Variants in TCF12 observed in about 807,000 individuals in gnomAD.
TCF12 encodes transcription factor 12.
TCF12 carries 45 observed loss-of-function variants against 86.0 expected under a neutral mutation model. That is an observed-to-expected ratio of 0.52 (90% CI 0.41 to 0.67). TCF12 has a LOEUF of 0.67. TCF12 is among the 30% of genes least tolerant of loss of function. The pLI is 0.00. For synonymous variants in TCF12, 330 were observed against 299.6 expected (o/e 1.10, Z -1.05); for missense variants, 881 against 859.9 (o/e 1.02, Z -0.31).
intron 3 of TCF12, among the ~76,000 whole-genome samples, chr15:56,998,429 C>T (rs1424119109): frequency 1.4e-5 from 2 of 146,600 alleles, no homozygotes; most frequent in African/African-American, 2.5e-5. Flanking sequence ...TGCACTCCAG[C>T]CTTGGTGACA....
At chr15:57,179,484 C>G (rs368729354) in intron 6 of TCF12, among the ~76,000 whole-genome samples, 12 of 152,018 alleles carry the variant, frequency 7.9e-5, no homozygotes, top group African/African-American at 2.7e-4. Context: ...GAGCCAAGAT[C>G]GTGCCATTGC....
intron 12 of TCF12, among the ~76,000 whole-genome samples, chr15:57,234,919 A>C (rs1395245798): frequency 6.6e-6 from 1 of 152,164 alleles, no homozygotes; most frequent in Non-Finnish European, 1.5e-5. Flanking sequence ...ATTTTCTATG[A>C]AGTGCAATTA....
chr15:57,066,964 C>T (rs1172820446), intron 4 of TCF12, among the ~76,000 whole-genome samples: 1 of 152,170 alleles, frequency 6.6e-6, no homozygotes, highest in Non-Finnish European at 1.5e-5. Context: ...TACCATTCTA[C>T]TATAGTAGCC....
In TCF12 at chr15:57,208,851, G is replaced by C. The variant is rs539700689; in HGVS notation, c.579+11026G>C. Among the ~76,000 whole-genome samples the C allele has an allele frequency of 2.6e-5, 4 of 151,952 alleles. No homozygotes were observed. The South Asian group carries it at 6.2e-4, about 24-fold the overall frequency. Reference sequence around the variant, plus strand: ...CCACCTCAGCCTCCTGAGTAACTGGGACTACAGGCACATGCCACTACACCT... The same window carrying C: ...CCACCTCAGCCTCCTGAGTAACTGGCACTACAGGCACATGCCACTACACCT... On this transcript the variant is annotated intron_variant, in intron 8 of 20. Coordinates refer to ENST00000333725, the MANE Select transcript of TCF12 (RefSeq NM_207037.2).
At chr15:57,142,580 CTATGCTGATATATAAAT>C (rs2053057956) in intron 5 of TCF12, among the ~76,000 whole-genome samples, 1 of 145,510 alleles carries the variant, frequency 6.9e-6, no homozygotes, top group South Asian at 2.2e-4. Flanking sequence ...AACTATAAGT[CTATGCTGATATATAAAT>C]TATGCTGATA....
At chr15:57,108,493 A>G (rs1338892755) in intron 5 of TCF12, among the ~76,000 whole-genome samples, 4 of 152,134 alleles carry the variant, frequency 2.6e-5, no homozygotes, top group African/African-American at 9.7e-5. Context: ...TAAAATGATG[A>G]TTCTACTTAG....
intron 13 of TCF12, chr15:57,247,791 C>A (rs1187441059): frequency 2.7e-6 from 2 of 749,440 alleles, no homozygotes; most frequent in African/African-American, 3.4e-5. Context: ...TCCACCTCTT[C>A]AACACAAGAG....
chr15:56,925,240 G>GCCCCCCCCC (rs11465192), intron 3 of TCF12, among the ~76,000 whole-genome samples: 10 of 136,338 alleles, frequency 7.3e-5, no homozygotes, highest in South Asian at 5.0e-4. Flanking sequence ...GGTGTCCACC[G>GCCCCCCCCC]CCCCCCCACC....
intron 5 of TCF12, among the ~76,000 whole-genome samples, chr15:57,120,416 T>A (rs1333106291): frequency 1.3e-5 from 2 of 152,234 alleles, no homozygotes; most frequent in Admixed American, 1.3e-4. Context: ...ATATCTGATA[T>A]ATATCAAGTG....
intron 5 of TCF12, among the ~76,000 whole-genome samples, chr15:57,152,505 T>G (rs1272851380): frequency 6.7e-6 from 1 of 150,108 alleles, no homozygotes; most frequent in African/African-American, 2.5e-5. Flanking sequence ...ATTTAGCTGA[T>G]AGATGGAAAT....
Position 57,211,979 on chromosome 15 carries a change from C to CCACA in TCF12, c.579+14180_579+14183dup, listed in dbSNP as rs58113866. Among the ~76,000 whole-genome samples, 450 of 83,806 alleles carry CCACA rather than the reference C, an allele frequency of 5.4e-3. 4 individuals are homozygous for CCACA. Among genetic ancestry groups the CCACA allele is most frequent in the African/African-American group, 9.6e-3 (328 of 34,072 alleles). The allele number at this position is 83,806 out of a possible 152,430, so 55.0% of individuals were successfully genotyped here. A position where few individuals can be genotyped will look rare whatever the true frequency, so the allele number is the denominator to read the frequency against. ...ATACACACACACGCACACACACACA[C>CCACA]CACACACACACACACACACACACAC... On this transcript the variant is annotated intron_variant, in intron 8 of 20. Transcript: ENST00000333725.
At chr15:56,994,580 A>G (rs1490832251) in intron 3 of TCF12, among the ~76,000 whole-genome samples, 5 of 152,116 alleles carry the variant, frequency 3.3e-5, no homozygotes, top group African/African-American at 7.2e-5. Flanking sequence ...GCCAGAGGAA[A>G]ATGACATTGC....
At chr15:57,189,616 A>G (rs1221811133) in intron 6 of TCF12, among the ~76,000 whole-genome samples, 1 of 152,176 alleles carries the variant, frequency 6.6e-6, no homozygotes, top group East Asian at 1.9e-4. Flanking sequence ...AGAAATTGGA[A>G]CCCTTGCACA....
At chr15:57,181,864 T>C (rs1424008118) in intron 6 of TCF12, among the ~76,000 whole-genome samples, 1 of 152,192 alleles carries the variant, frequency 6.6e-6, no homozygotes, top group Admixed American at 6.5e-5. Context: ...TTTTGGGGGA[T>C]AACCCTTTAT....
intron 5 of TCF12, among the ~76,000 whole-genome samples, chr15:57,099,716 C>T (rs1316084802): frequency 6.6e-6 from 1 of 152,104 alleles, no homozygotes; most frequent in Non-Finnish European, 1.5e-5. Context: ...ACACCTTTTT[C>T]AGGACCTCAT....
At chr15:57,285,364 A>G (rs1469852559) in intron 20 of TCF12, among the ~76,000 whole-genome samples, 1 of 152,270 alleles carries the variant, frequency 6.6e-6, no homozygotes, top group African/African-American at 2.4e-5. Context: ...AATTTAAAGT[A>G]GAAAATTTCA....
chr15:57,252,776 T>G (rs1366162120), intron 15 of TCF12, among the ~76,000 whole-genome samples: 2 of 152,208 alleles, frequency 1.3e-5, no homozygotes, highest in Non-Finnish European at 1.5e-5. Flanking sequence ...ATTTATTTAG[T>G]TTTGTCAAAG....
At chr15:57,080,805 A>G (rs1423596045) in intron 4 of TCF12, among the ~76,000 whole-genome samples, 1 of 152,168 alleles carries the variant, frequency 6.6e-6, no homozygotes, top group Non-Finnish European at 1.5e-5. Context: ...TTGCCAAATC[A>G]TTATCATAAA....
At chr15:57,161,996 C>A (rs1256679248) in intron 5 of TCF12, among the ~76,000 whole-genome samples, 1 of 152,098 alleles carries the variant, frequency 6.6e-6, no homozygotes. Context: ...TCTGAGAAGT[C>A]CGCCCAAGAG....
Sources: allele counts gnomAD v4.1 joint callset (sites outside exome capture counted in the v4.1 genomes callset), GRCh38; gene constraint gnomAD v4.1.1; transcripts MANE v1.5; gene names NCBI Gene and HGNC (gene_info 2026-07-23, HGNC 2026-07-21).